SLC24A2: variants seen among roughly 807,000 people sequenced by gnomAD.
SLC24A2 encodes the protein sodium/potassium/calcium exchanger 2.
In SLC24A2, 36 loss-of-function variants were observed where a neutral mutation model predicts 62.0. The ratio of observed to expected loss-of-function variants is 0.58; its 90% CI spans 0.44 to 0.77. SLC24A2 has a LOEUF of 0.77. SLC24A2 is among the 30% of genes least tolerant of loss of function. The pLI is 0.00. For synonymous variants in SLC24A2, 358 were observed against 294.0 expected (o/e 1.22, Z -2.23); for missense variants, 846 against 817.9 (o/e 1.03, Z -0.42).
At chr9:19,705,128 C>A (rs1187739068) in intron 2 of SLC24A2, among the ~76,000 whole-genome samples, 4 of 152,152 alleles carry the variant, frequency 2.6e-5, no homozygotes, top group Non-Finnish European at 5.9e-5. Flanking sequence ...GATTCAGATT[C>A]CAGCTTCACT....
the SLC24A2 span, among the ~76,000 whole-genome samples, chr9:19,958,797 T>C: frequency 4.6e-5 from 7 of 152,348 alleles, no homozygotes; most frequent in Non-Finnish European, 8.8e-5. Flanking sequence ...TGTGTGAGAT[T>C]TAAAGGGGCA....
In SLC24A2 at chr9:19,513,158, A is replaced by ATATATATATG. The variant is rs1832782878; in HGVS notation, c.*2994_*2995insCATATATATA. 1.7e-5 allele frequency: 1 copy of ATATATATATG among 60,380 alleles called. No homozygotes were observed. The highest frequency in any genetic ancestry group is 6.6e-5 in the African/African-American group (1 of 15,172). 3.7% of individuals were successfully genotyped at this position (60,380 alleles called of 1,614,324 possible). A position where few individuals can be genotyped will look rare whatever the true frequency, so the allele number is the denominator to read the frequency against. On this transcript the variant is annotated 3_prime_UTR_variant, in exon 11 of 11. Coordinates refer to ENST00000341998, the MANE Select transcript of SLC24A2 (RefSeq NM_020344.4). ...ACATATAGATCTGGTATAAAGATAT[A>ATATATATATG]TATATATATATATATATGTATATAT...
the SLC24A2 span, among the ~76,000 whole-genome samples, chr9:20,012,893 C>T: frequency 2.6e-4 from 40 of 151,028 alleles, 1 homozygote; most frequent in Middle Eastern, 0.01. Flanking sequence ...GATGACAGAA[C>T]TTGAAAAAAA....
chr9:19,968,492 A>G, the SLC24A2 span, among the ~76,000 whole-genome samples: 1 of 152,218 alleles, frequency 6.6e-6, no homozygotes, highest in East Asian at 1.9e-4. Context: ...TGCTTATAGA[A>G]ATAAGGTCCA....
At chr9:19,557,935 T>G (rs1835180070) in intron 7 of SLC24A2, among the ~76,000 whole-genome samples, 1 of 151,514 alleles carries the variant, frequency 6.6e-6, no homozygotes, top group African/African-American at 2.4e-5. Flanking sequence ...TCCTCCCACT[T>G]TAGCCTCCCA....
At chr9:20,155,213 G>A in the SLC24A2 span, among the ~76,000 whole-genome samples, 46 of 150,900 alleles carry the variant, frequency 3.0e-4, no homozygotes, top group African/African-American at 1.1e-3. Context: ...AGCATTGTAA[G>A]TGTTATATTT....
the SLC24A2 span, among the ~76,000 whole-genome samples, chr9:19,956,145 AC>A: frequency 1.8e-4 from 27 of 152,178 alleles, no homozygotes. Flanking sequence ...GCTACGCTCT[AC>A]GTTTAGCTTT....
the SLC24A2 span, among the ~76,000 whole-genome samples, chr9:20,081,245 T>C: frequency 1.3e-5 from 2 of 151,832 alleles, no homozygotes; most frequent in Non-Finnish European, 2.9e-5. Flanking sequence ...CCAACAATGA[T>C]AGACTGGATT....
intron 5 of SLC24A2, among the ~76,000 whole-genome samples, chr9:19,583,074 C>T (rs1288823899): frequency 6.6e-6 from 1 of 152,162 alleles, no homozygotes; most frequent in Non-Finnish European, 1.5e-5. Context: ...CAAAATCCTG[C>T]AGTGGGTCCC....
At chr9:20,087,929 G>A in the SLC24A2 span, among the ~76,000 whole-genome samples, 9 of 152,292 alleles carry the variant, frequency 5.9e-5, no homozygotes, top group African/African-American at 1.7e-4. Context: ...GTGAGTGAGC[G>A]ATCCGGGGAC....
the SLC24A2 span, among the ~76,000 whole-genome samples, chr9:20,152,779 C>T: frequency 6.6e-6 from 1 of 151,944 alleles, no homozygotes; most frequent in Admixed American, 6.6e-5. Flanking sequence ...CTTCCTCTTC[C>T]CTGAAATGTT....
chr9:20,197,367 T>C, the SLC24A2 span, among the ~76,000 whole-genome samples: 10 of 151,964 alleles, frequency 6.6e-5, no homozygotes, highest in Admixed American at 3.9e-4. Context: ...ATTTTCACCA[T>C]TGTAGTTTCT....
chr9:19,931,219 G>C, the SLC24A2 span, among the ~76,000 whole-genome samples: 1 of 152,196 alleles, frequency 6.6e-6, no homozygotes, highest in African/African-American at 2.4e-5. Flanking sequence ...GGAAGGTCAG[G>C]TTGCAGTCCT....
chr9:19,979,607 C>T, the SLC24A2 span, among the ~76,000 whole-genome samples: 4 of 152,146 alleles, frequency 2.6e-5, no homozygotes, highest in Admixed American at 6.6e-5. Flanking sequence ...TTCCATCATT[C>T]TCTAGCATCG....
rs768069456 is a variant in SLC24A2, at chr9:19,636,323, CTTT to C, written c.931-14027_931-14025del. Among the ~76,000 whole-genome samples, 42 of 19,146 alleles carry C rather than the reference CTTT, an allele frequency of 2.2e-3. 1 individual carries two copies. Among genetic ancestry groups the C allele is most frequent in the African/African-American group, 6.9e-3 (35 of 5,080 alleles). 12.6% of individuals were successfully genotyped at this position (19,146 alleles called of 152,430 possible). A position where few individuals can be genotyped will look rare whatever the true frequency, so the allele number is the denominator to read the frequency against. ...TCTTTTCTTTTCTTTTCTTTTCTTT[CTTT>C]CTTTCTTTCTTTCTTTCTTTCTTTC... On this transcript the variant is annotated intron_variant, in intron 2 of 10. Coordinates refer to ENST00000341998, the MANE Select transcript of SLC24A2 (RefSeq NM_020344.4).
the SLC24A2 span, among the ~76,000 whole-genome samples, chr9:19,845,147 C>T: frequency 6.6e-6 from 1 of 152,152 alleles, no homozygotes; most frequent in African/African-American, 2.4e-5. Flanking sequence ...AATCCACGAG[C>T]ATGGAACGTT....
chr9:20,075,698 A>AG, the SLC24A2 span, among the ~76,000 whole-genome samples: 6 of 151,910 alleles, frequency 3.9e-5, no homozygotes, highest in African/African-American at 1.2e-4. Flanking sequence ...TTGAACAATC[A>AG]GGGGGGGATA....
the SLC24A2 span, among the ~76,000 whole-genome samples, chr9:20,018,423 C>G: frequency 1.3e-5 from 2 of 152,088 alleles, no homozygotes; most frequent in Non-Finnish European, 2.9e-5. Context: ...AATCTATACA[C>G]TAAAACATTA....
At chr9:19,535,254 C>T (rs944039386) in intron 8 of SLC24A2, among the ~76,000 whole-genome samples, 5 of 151,912 alleles carry the variant, frequency 3.3e-5, no homozygotes, top group East Asian at 1.9e-4. Flanking sequence ...GGATATTAGC[C>T]GTTTGTCAGA....
Sources: gnomAD v4.1 joint callset for allele counts (sites outside exome capture counted in the v4.1 genomes callset) on GRCh38, gnomAD v4.1.1 for gene constraint, MANE v1.5 for transcripts, NCBI Gene and HGNC (gene_info 2026-07-23, HGNC 2026-07-21) for gene names.